Variants in SMAD1 observed in about 807,000 individuals in gnomAD.
SMAD1 encodes MAD, mothers against decapentaplegic homolog 1.
In SMAD1, 6 loss-of-function variants were observed where a neutral mutation model predicts 41.6. That is an observed-to-expected ratio of 0.14 (90% CI 0.08 to 0.28). SMAD1 has a LOEUF of 0.28. SMAD1 is among the 10% of genes least tolerant of loss of function. The pLI is 1.00. For synonymous variants in SMAD1, 206 were observed against 203.2 expected (o/e 1.01, Z -0.12); for missense variants, 379 against 582.6 (o/e 0.65, Z 3.60).
intron 1 of SMAD1, among the ~76,000 whole-genome samples, chr4:145,499,605 A>G (rs1729307219): frequency 6.6e-6 from 1 of 152,190 alleles, no homozygotes; most frequent in African/African-American, 2.4e-5. Context: ...ACAGAGCAAG[A>G]CCATGTCTCA....
intron 1 of SMAD1, among the ~76,000 whole-genome samples, chr4:145,513,077 C>T (rs17020269): frequency 0.017 from 2,635 of 152,266 alleles, 64 homozygotes; most frequent in East Asian, 0.048. Flanking sequence ...GGTTCCTCAG[C>T]GCTATGAGGC....
At chr4:145,543,375 G>A (rs938446337) in intron 4 of SMAD1, among the ~76,000 whole-genome samples, 4 of 152,174 alleles carry the variant, frequency 2.6e-5, no homozygotes, top group Non-Finnish European at 4.4e-5. Flanking sequence ...TGGTATAACT[G>A]GGCTGTCCAA....
At chr4:145,537,417 T>C (rs987368007) in intron 2 of SMAD1, among the ~76,000 whole-genome samples, 1 of 152,112 alleles carries the variant, frequency 6.6e-6, no homozygotes, top group African/African-American at 2.4e-5. Flanking sequence ...ATGTTAAAAA[T>C]TGGTGAATCT....
At chr4:145,515,576 CCTT>C (rs1216459493) in intron 2 of SMAD1, among the ~76,000 whole-genome samples, 1 of 152,088 alleles carries the variant, frequency 6.6e-6, no homozygotes, top group Non-Finnish European at 1.5e-5. Flanking sequence ...GGAATTATAT[CCTT>C]CTATGGAATC....
At chr4:145,499,738 A>C (rs1729317541) in intron 1 of SMAD1, among the ~76,000 whole-genome samples, 1 of 152,198 alleles carries the variant, frequency 6.6e-6, no homozygotes, top group African/African-American at 2.4e-5. Context: ...ATATTCCAAC[A>C]TCCAAAAATA....
intron 1 of SMAD1, among the ~76,000 whole-genome samples, chr4:145,491,291 G>A (rs189335924): frequency 1.6e-3 from 238 of 152,188 alleles, no homozygotes; most frequent in Admixed American, 4.2e-3. Flanking sequence ...AACTGCTGAC[G>A]GGAAGATTCT....
chr4:145,516,780 A>G (rs985972097), intron 2 of SMAD1, among the ~76,000 whole-genome samples: 1 of 152,196 alleles, frequency 6.6e-6, no homozygotes, highest in African/African-American at 2.4e-5. Context: ...TGTACCAGCA[A>G]TATTATTTAG....
intron 1 of SMAD1, among the ~76,000 whole-genome samples, chr4:145,494,354 G>A (rs1432839447): frequency 1.3e-5 from 2 of 152,218 alleles, no homozygotes; most frequent in African/African-American, 4.8e-5. Flanking sequence ...AAAGTTGGGG[G>A]TAAGGAATTG....
In SMAD1 at chr4:145,554,689, A is replaced by G. The variant is rs947779395; in HGVS notation, c.1254+649A>G. ...TAATAATTGATCTTTTTGCTGTCTC[A>G]TGTTCTGCCTCTGAGAAATAAAAAT... is the stretch of plus-strand genomic sequence containing the variant. On this transcript the variant is annotated intron_variant, in intron 6 of 6. Transcript: ENST00000302085. Among the ~76,000 whole-genome samples the G allele has an allele frequency of 3.0e-4, 46 of 152,190 alleles. 1 individual carries two copies. The highest frequency in any genetic ancestry group is 3.4e-4 in the African/African-American group (14 of 41,460).
chr4:145,527,271 T>A (rs1283199839), intron 2 of SMAD1, among the ~76,000 whole-genome samples: 2 of 151,666 alleles, frequency 1.3e-5, no homozygotes, highest in African/African-American at 4.8e-5. Flanking sequence ...TCGCCCAGGC[T>A]GGAGTGCAGT....
intron 1 of SMAD1, chr4:145,503,856 T>C (rs948587161): frequency 1.3e-5 from 2 of 152,440 alleles, no homozygotes; most frequent in Middle Eastern, 3.4e-3. Context: ...TTGCAGTGCA[T>C]GTAGGTGTGT....
chr4:145,488,542 C>T (rs928969732), intron 1 of SMAD1, among the ~76,000 whole-genome samples: 2 of 147,808 alleles, frequency 1.4e-5, no homozygotes, highest in South Asian at 2.1e-4. Flanking sequence ...TAGAAGTATT[C>T]CAGACCTTTA....
At chr4:145,501,037 T>C (rs1331726281) in intron 1 of SMAD1, among the ~76,000 whole-genome samples, 2 of 152,222 alleles carry the variant, frequency 1.3e-5, no homozygotes, top group African/African-American at 4.8e-5. Flanking sequence ...GACACTTGTT[T>C]TCTAATTTAG....
chr4:145,528,205 G>A (rs893098224), intron 2 of SMAD1, among the ~76,000 whole-genome samples: 1 of 151,834 alleles, frequency 6.6e-6, no homozygotes, highest in Admixed American at 6.6e-5. Context: ...CTGGGTTTAA[G>A]TGATTCTCCT....
In SMAD1 at chr4:145,558,159, A is replaced by G; in HGVS notation, c.*225A>G. 2.8e-6 allele frequency: 1 copy of G among 357,396 alleles called. No individual in the cohort carries two copies. Among genetic ancestry groups the G allele is most frequent in the Non-Finnish European group, 5.0e-6 (1 of 200,314 alleles). 22.1% of individuals were successfully genotyped at this position (357,396 alleles called of 1,614,324 possible). ...TGTTTAGTTTACATTGTAACATTCT[A>G]TTGTAAAATCAACTAAAATTCAGAC... On this transcript the variant is annotated 3_prime_UTR_variant, in exon 7 of 7. Transcript: ENST00000302085.
chr4:145,502,891 G>A (rs1002690399), intron 1 of SMAD1: 1 of 152,142 alleles, frequency 6.6e-6, no homozygotes, highest in African/African-American at 2.4e-5. Context: ...ACTGTTGAGG[G>A]ACCAAATTGC....
At chr4:145,489,288 T>C (rs1443590528) in intron 1 of SMAD1, among the ~76,000 whole-genome samples, 1 of 152,054 alleles carries the variant, frequency 6.6e-6, no homozygotes, top group East Asian at 1.9e-4. Flanking sequence ...CCAGTGAGAA[T>C]TTTAGGGCCT....
At chr4:145,483,007 G>A (rs1020571590) in intron 1 of SMAD1, 2 of 152,156 alleles carry the variant, frequency 1.3e-5, no homozygotes, top group African/African-American at 2.4e-5. Flanking sequence ...CTTTAGGAGG[G>A]GAGGAGGAAC....
chr4:145,487,361 GA>G (rs936509627), intron 1 of SMAD1, among the ~76,000 whole-genome samples: 33 of 152,106 alleles, frequency 2.2e-4, no homozygotes, highest in African/African-American at 6.8e-4. Flanking sequence ...TAAAAAAGTG[GA>G]AAAAATCGGT....
Sources: gnomAD v4.1 joint callset for allele counts (sites outside exome capture counted in the v4.1 genomes callset) on GRCh38, gnomAD v4.1.1 for gene constraint, MANE v1.5 for transcripts, NCBI Gene and HGNC (gene_info 2026-07-23, HGNC 2026-07-21) for gene names.